UBR2: variants seen among roughly 807,000 people sequenced by gnomAD.
UBR2 encodes ubiquitin protein ligase E3 component n-recognin 2.
Under a neutral mutation model 247.9 loss-of-function variants are expected in UBR2, and 92 were observed. The observed-to-expected ratio is 0.37, with a 90% CI of 0.31 to 0.44. The LOEUF (loss-of-function observed/expected upper bound fraction) is 0.44, where lower values mean the gene tolerates loss of function less well. UBR2 is among the 20% of genes least tolerant of loss of function. The pLI is 1.00. For missense variants in UBR2, 1,613 were observed against 2,112.6 expected, an observed-to-expected ratio of 0.76 and a Z score of 4.64; for synonymous variants, 672 against 693.5, an observed-to-expected ratio of 0.97 and a Z score of 0.49.
At chr6:42,618,009 A>G (rs966491612) in intron 11 of UBR2, among the ~76,000 whole-genome samples, 1 of 152,244 alleles carries the variant, frequency 6.6e-6, no homozygotes, top group Non-Finnish European at 1.5e-5. Flanking sequence ...CGCTATATAC[A>G]TAATTAAAAT....
chr6:42,652,603 G>A lies in UBR2; in HGVS notation c.2727G>A (p.Val909=), dbSNP rs760506217. The A allele has an allele frequency of 1.2e-6, 2 of 1,613,568 alleles. No individual in the cohort carries two copies. The highest frequency in any genetic ancestry group is 1.7e-6 in the Non-Finnish European group (2 of 1,179,892). The change falls in exon 25 of 47, where the codon GTG becomes GTA. Residue 909 remains valine (V), a synonymous_variant. Coordinates refer to ENST00000372901, the MANE Select transcript of UBR2 (RefSeq NM_001363705.2). ...TGGGAACAATTCTGCAATGGGCTGT[G>A]GAACATAATGGATATGCCTGGTCAG... The part of the protein sequence containing the change: ...CIMGTILQWA[V]EHNGYAWSES...
rs1797687336 is a variant in UBR2 at position 42,659,662 on chromosome 6, G to A, written c.3249G>A (p.Val1083=). The change falls in exon 30 of 47, where the codon GTG becomes GTA. Residue 1083 remains valine (V), a synonymous_variant. Coordinates refer to ENST00000372901, the MANE Select transcript of UBR2 (RefSeq NM_001363705.2). The surrounding 1 kb of genome is among the most constrained non-coding windows in gnomAD (Gnocchi z 4.3). ...STSAVLDHSP[V]ASDMTLTALG... ...CATAACCTTTGTATTGCAGCCCTGT[G>A]GCTTCAGATATGACACTTACAGCAC... 2 of 1,613,368 alleles carry A rather than the reference G, an allele frequency of 1.2e-6. No individual in the cohort carries two copies. The highest frequency in any genetic ancestry group is 2.7e-5 in the African/African-American group (2 of 74,912).
chr6:42,607,818 C>T (rs1046567765), intron 7 of UBR2, among the ~76,000 whole-genome samples: 5 of 149,124 alleles, frequency 3.4e-5, no homozygotes, highest in Non-Finnish European at 5.9e-5. Flanking sequence ...CATTCTTGTG[C>T]GTTCCTTTAT....
chr6:42,612,336 T>G, intron 8 of UBR2, 45 bp downstream of exon 8: 1 of 1,431,200 alleles, frequency 7.0e-7, no homozygotes, highest in Non-Finnish European at 9.3e-7. Context: ...AAAAATGAGC[T>G]CAATATGCTG....
At chr6:42,658,468 AT>A (rs1245352462) in intron 28 of UBR2, 148 bp downstream of exon 28, 21 of 1,121,814 alleles carry the variant, frequency 1.9e-5, no homozygotes, top group Non-Finnish European at 2.6e-5. Flanking sequence ...TGTTGTAGCA[AT>A]TTTTTGTCTG....
intron 15 of UBR2, among the ~76,000 whole-genome samples, chr6:42,638,098 A>G (rs1169601368): frequency 6.6e-6 from 1 of 152,082 alleles, no homozygotes; most frequent in African/African-American, 2.4e-5. Flanking sequence ...TAAATGTTTG[A>G]CAGAATTCAC....
Position 42,655,492 on chromosome 6 carries a change from G to C in UBR2, c.2770-129G>C, listed in dbSNP as rs114485040. The C allele has an allele frequency of 1.1e-3, 576 of 519,616 alleles. 3 individuals are homozygous for C. Among genetic ancestry groups the C allele is most frequent in the African/African-American group, 0.011 (521 of 48,702 alleles). 32.2% of individuals were successfully genotyped at this position (519,616 alleles called of 1,614,324 possible). A position where few individuals can be genotyped will look rare whatever the true frequency, so the allele number is the denominator to read the frequency against. On this transcript the variant is annotated intron_variant, in intron 25 of 46. Transcript: ENST00000372901. The stretch of plus-strand genomic sequence containing the variant: ...GAAAAAAAAATTAGTACTTCAAATT[G>C]TTTTTAATTGCATTTAGTATTTCAT...
At chr6:42,596,320 T>C (rs1792974558) in intron 4 of UBR2, among the ~76,000 whole-genome samples, 1 of 151,736 alleles carries the variant, frequency 6.6e-6, no homozygotes. Flanking sequence ...TGCTTCACCC[T>C]CAGTAAGATG....
chr6:42,613,526 C>T (rs1794223507), intron 8 of UBR2, among the ~76,000 whole-genome samples: 1 of 152,104 alleles, frequency 6.6e-6, no homozygotes, highest in South Asian at 2.1e-4. Context: ...GTTCATAGAC[C>T]AGCCTGGGTA....
rs1436319579 is a variant in UBR2, at chr6:42,615,158, G to A, written c.1073G>A (p.Ser358Asn). ...TCTCTAGTGGACAGACTGATGCTTAGTGATTCCAAATTATGGAAAGGTGAA... is the reference window on the plus strand; with the variant it reads ...TCTCTAGTGGACAGACTGATGCTTAATGATTCCAAATTATGGAAAGGTGAA... ...NSSLVDRLML[S>N]DSKLWKGARS... Residue 358 changes from serine (S) to asparagine (N), a missense_variant, in exon 9 of 47, where the codon AGT (serine) becomes AAT (asparagine). Physicochemically the swap from Ser to Asn is conservative, Grantham distance 46. Coordinates refer to ENST00000372901, the MANE Select transcript of UBR2 (RefSeq NM_001363705.2). 1 of 1,610,760 alleles carries A rather than the reference G, an allele frequency of 6.2e-7. No individual in the cohort carries two copies. The highest frequency in any genetic ancestry group is 1.3e-5 in the African/African-American group (1 of 74,820).
chr6:42,644,559 A>G (rs952242864), intron 20 of UBR2, 23 bp downstream of exon 20: 2 of 1,588,856 alleles, frequency 1.3e-6, no homozygotes, highest in Admixed American at 3.4e-5. Context: ...TGTTTGAGGC[A>G]TTTAATAAAT....
At chr6:42,676,234 A>G in intron 39 of UBR2, 43 bp downstream of exon 39, 1 of 1,509,106 alleles carries the variant, frequency 6.6e-7, no homozygotes, top group Non-Finnish European at 8.8e-7. Flanking sequence ...GAAATACTTG[A>G]GTTTTCTGAG....
intron 11 of UBR2, among the ~76,000 whole-genome samples, chr6:42,631,294 A>C (rs1163959620): frequency 6.6e-6 from 1 of 152,198 alleles, no homozygotes; most frequent in Non-Finnish European, 1.5e-5. Context: ...AAGTATTCAA[A>C]GTAACATTAG....
At chr6:42,682,991 A>C in intron 42 of UBR2, 64 bp from the exon 43 acceptor site, 1 of 1,464,350 alleles carries the variant, frequency 6.8e-7, no homozygotes, top group Non-Finnish European at 9.4e-7. Context: ...TATGGAGGGG[A>C]AAAAATTCTA....
chr6:42,568,579 A>T (rs1582408051), intron 1 of UBR2, among the ~76,000 whole-genome samples: 1 of 152,036 alleles, frequency 6.6e-6, no homozygotes, highest in South Asian at 2.1e-4. Context: ...AAATACAAAA[A>T]ATTAGCCGGG....
intron 2 of UBR2, among the ~76,000 whole-genome samples, chr6:42,582,648 G>A (rs191437193): frequency 3.3e-5 from 5 of 151,896 alleles, no homozygotes; most frequent in African/African-American, 1.2e-4. Flanking sequence ...AAAACAGGAA[G>A]ACTGTGTTTA....
chr6:42,652,792 C>T (rs1797201347), intron 25 of UBR2, 147 bp downstream of exon 25: 1 of 776,376 alleles, frequency 1.3e-6, no homozygotes, highest in South Asian at 2.0e-5. Context: ...TTGTGTCTGA[C>T]AGTAAAAACA....
At chr6:42,576,182 GT>G (rs1188259079) in intron 2 of UBR2, among the ~76,000 whole-genome samples, 1 of 152,088 alleles carries the variant, frequency 6.6e-6, no homozygotes, top group African/African-American at 2.4e-5. Flanking sequence ...ATGTGTGCAT[GT>G]TGCTGTTGGT....
intron 46 of UBR2, among the ~76,000 whole-genome samples, chr6:42,690,344 T>G (rs935450555): frequency 6.6e-6 from 1 of 152,226 alleles, no homozygotes; most frequent in African/African-American, 2.4e-5. Context: ...TATGCCCATA[T>G]GCCACCCAGT....
Sources: allele counts gnomAD v4.1 joint callset (sites outside exome capture counted in the v4.1 genomes callset), GRCh38; gene constraint gnomAD v4.1.1; non-coding constraint Gnocchi (gnomAD v3.1); transcripts MANE v1.5; gene names NCBI Gene and HGNC (gene_info 2026-07-23, HGNC 2026-07-21).